Variants in GLIS1 observed in about 807,000 individuals in gnomAD.
The protein encoded by GLIS1 is zinc finger protein GLIS1.
A neutral mutation model predicts 63.8 loss-of-function variants in GLIS1; 24 were observed. That is an observed-to-expected ratio of 0.38 (90% CI 0.27 to 0.53). GLIS1 has a LOEUF of 0.53. Ranked by LOEUF, GLIS1 falls within the 20% of genes least tolerant of loss-of-function variation. GLIS1 has a pLI of 0.85. For synonymous variants in GLIS1, 450 were observed against 482.5 expected, an observed-to-expected ratio of 0.93 and a Z score of 0.88; for missense variants, 1,036 against 1,074.1, an observed-to-expected ratio of 0.96 and a Z score of 0.50.
intron 2 of GLIS1, among the ~76,000 whole-genome samples, chr1:53,633,366 ATGAG>A (rs1263544380): frequency 1.7e-5 from 2 of 121,206 alleles, no homozygotes; most frequent in Non-Finnish European, 3.3e-5. Flanking sequence ...GGGCATGTGA[ATGAG>A]TGTGACTGAG....
At chr1:53,538,446 G>A (rs1272641308) in intron 4 of GLIS1, among the ~76,000 whole-genome samples, 5 of 152,194 alleles carry the variant, frequency 3.3e-5, no homozygotes, top group African/African-American at 1.2e-4. Flanking sequence ...GGTGGAAACT[G>A]AGTTTAGGTG....
At chr1:53,619,821 A>C (rs1291580797) in intron 2 of GLIS1, among the ~76,000 whole-genome samples, 3 of 152,244 alleles carry the variant, frequency 2.0e-5, no homozygotes, top group African/African-American at 7.2e-5. Context: ...CTTGTTTTAC[A>C]TAAGAGGGAG....
At chr1:53,624,467 G>A (rs1645574784) in intron 2 of GLIS1, among the ~76,000 whole-genome samples, 1 of 152,012 alleles carries the variant, frequency 6.6e-6, no homozygotes, top group South Asian at 2.1e-4. Flanking sequence ...ACAGGCAAAG[G>A]CTTCTTAGAA....
At chr1:53,513,162 G>C (rs991129178) in intron 8 of GLIS1, among the ~76,000 whole-genome samples, 1 of 152,000 alleles carries the variant, frequency 6.6e-6, no homozygotes, top group Non-Finnish European at 1.5e-5. Flanking sequence ...CATCCCTGAG[G>C]CCTCCTCCTC....
chr1:53,556,378 G>A lies in GLIS1; in HGVS notation c.1321-26426C>T, dbSNP rs201987195. On this transcript the variant is annotated intron_variant, in intron 4 of 10. Transcript: ENST00000628545. ...GTGTGTATGCAGATGTGTCTGTGCA[G>A]GTGTACTGCAGGTGTGTGTGTGTGT... Among the ~76,000 whole-genome samples the A allele has an allele frequency of 0.041, 5,755 of 138,970 alleles. 682 individuals are homozygous for A. The East Asian group carries it at 0.49, about 12-fold the overall frequency. The allele number at this position is 138,970 out of a possible 152,430, so 91.2% of individuals were successfully genotyped here.
chr1:53,577,059 C>A (rs1323561018), intron 4 of GLIS1, among the ~76,000 whole-genome samples: 2 of 151,826 alleles, frequency 1.3e-5, no homozygotes, highest in East Asian at 3.9e-4. Context: ...CTTCCTCCCT[C>A]CCCCAATAAA....
At position 53,594,231 on chromosome 1, in the gene GLIS1, G is replaced by C. The variant is rs1225947039; in HGVS notation, c.1197C>G (p.Arg399=). 6.2e-7 allele frequency: 1 copy of C among 1,613,898 alleles called. No homozygotes were observed. The highest frequency in any genetic ancestry group is 1.7e-5 in the Admixed American group (1 of 60,030). Residue 399 remains arginine, a synonymous_variant, in exon 4 of 11, where the codon CGC becomes CGG. Coordinates refer to ENST00000628545, the MANE Select transcript of GLIS1 (RefSeq NM_001367484.1). ...RHIEKSHIDQ[R]KGEDFTCFWA... ...AGAAGCAGGTGAAGTCCTCGCCCTT[G>C]CGCTGGTCGATGTGGCTCTTCTCGA...
At chr1:53,706,835 G>A (rs1345331112) in intron 2 of GLIS1, among the ~76,000 whole-genome samples, 1 of 152,162 alleles carries the variant, frequency 6.6e-6, no homozygotes, top group Non-Finnish European at 1.5e-5. Context: ...CAGGAACTCG[G>A]GGTATACTCA....
At position 53,509,136 on chromosome 1, in the gene GLIS1, C is replaced by T. The variant is rs1338992195; in HGVS notation, c.2214G>A (p.Thr738=). Residue 738 remains threonine (T), a synonymous_variant, in exon 10 of 11, where the codon ACG becomes ACA. Transcript: ENST00000628545. ...LRPNGYHSLS[T]PLPATGYEAL... is the part of the protein sequence containing the mutation. ...AGGGCTCACCTGTGGCAGGCAAGGG[C>T]GTGCTGAGGCTGTGGTAGCCATTGG... 1.3e-6 allele frequency: 2 copies of T among 1,584,848 alleles called. No homozygotes were observed. The highest frequency in any genetic ancestry group is 1.7e-6 in the Non-Finnish European group (2 of 1,164,026).
chr1:53,630,696 C>T (rs1192022756), intron 2 of GLIS1, among the ~76,000 whole-genome samples: 2 of 152,074 alleles, frequency 1.3e-5, no homozygotes, highest in Non-Finnish European at 2.9e-5. Context: ...GGGGTTTCAC[C>T]ATGTTGGCCA....
At chr1:53,536,394 T>A (rs1644582084) in intron 4 of GLIS1, among the ~76,000 whole-genome samples, 1 of 152,122 alleles carries the variant, frequency 6.6e-6, no homozygotes, top group Non-Finnish European at 1.5e-5. Context: ...AAAACATATT[T>A]GAAGATGAAG....
intron 2 of GLIS1, among the ~76,000 whole-genome samples, chr1:53,615,110 C>T (rs192804503): frequency 1.1e-3 from 172 of 152,186 alleles, no homozygotes; most frequent in African/African-American, 3.9e-3. Context: ...CAGCACAGAC[C>T]CTCCCCCAGG....
intron 4 of GLIS1, among the ~76,000 whole-genome samples, chr1:53,562,016 C>A (rs142394901): frequency 9.2e-5 from 14 of 152,336 alleles, no homozygotes; most frequent in African/African-American, 3.4e-4. Flanking sequence ...TCGGTTTCAA[C>A]GTCTTCCCAT....
intron 2 of GLIS1, among the ~76,000 whole-genome samples, chr1:53,724,172 C>T (rs1646783728): frequency 6.6e-6 from 1 of 152,220 alleles, no homozygotes; most frequent in Non-Finnish European, 1.5e-5. Flanking sequence ...CATCTGCCCA[C>T]CCTCTCAACT....
chr1:53,697,374 T>C (rs1646475972), intron 2 of GLIS1, among the ~76,000 whole-genome samples: 1 of 152,198 alleles, frequency 6.6e-6, no homozygotes, highest in African/African-American at 2.4e-5. Context: ...TCCAGTTGCT[T>C]TGCACATGCA....
intron 2 of GLIS1, among the ~76,000 whole-genome samples, chr1:53,702,585 G>A (rs969610201): frequency 6.6e-5 from 10 of 152,208 alleles, no homozygotes; most frequent in Non-Finnish European, 1.2e-4. Context: ...GCTCTGGGCA[G>A]GTCACACTCA....
chr1:53,722,267 A>G (rs1455170096), intron 2 of GLIS1, among the ~76,000 whole-genome samples: 1 of 152,236 alleles, frequency 6.6e-6, no homozygotes, highest in Non-Finnish European at 1.5e-5. Context: ...ACTTCTGGGA[A>G]TCTATCCTAC....
At position 53,525,992 on chromosome 1, in the gene GLIS1, A is replaced by G. The variant is rs545421386; in HGVS notation, c.1483-1105T>C. Among the ~76,000 whole-genome samples the G allele has an allele frequency of 3.8e-3, 574 of 152,018 alleles. 6 individuals carry two copies. The highest frequency in any genetic ancestry group is 0.013 in the African/African-American group (526 of 41,448). ...GACTCGTGGCTCTAATTGAATCCCA[A>G]TCTCTCCCAAGGCTTCCACAGGACC... On this transcript the variant is annotated intron_variant, in intron 5 of 10. Coordinates refer to ENST00000628545, the MANE Select transcript of GLIS1 (RefSeq NM_001367484.1).
At chr1:53,525,398 G>C (rs1400156582) in intron 5 of GLIS1, among the ~76,000 whole-genome samples, 3 of 9,868 alleles carry the variant, frequency 3.0e-4, no homozygotes, top group Admixed American at 1.4e-3. Flanking sequence ...CAAGAAACCA[G>C]GTCCTCCTGC....
Sources: allele counts gnomAD v4.1 joint callset (sites outside exome capture counted in the v4.1 genomes callset), GRCh38; gene constraint gnomAD v4.1.1; transcripts MANE v1.5; gene names NCBI Gene and HGNC (gene_info 2026-07-23, HGNC 2026-07-21).